Variants in NCKAP1 observed in about 807,000 individuals in gnomAD.
NCKAP1 encodes nck-associated protein 1.
Under a neutral mutation model 151.2 loss-of-function variants are expected in NCKAP1, and 21 were observed. The observed-to-expected ratio is 0.14, with a 90% CI of 0.10 to 0.20. The LOEUF is 0.20. Among genes scored for constraint, NCKAP1 ranks in the 10% least tolerant of loss-of-function variants. The pLI is 1.00. For missense variants in NCKAP1, 933 were observed against 1,352.1 expected (o/e 0.69, Z 4.86); for synonymous variants, 484 against 451.8 (o/e 1.07, Z -0.90).
Position 183,012,746 on chromosome 2 carries a change from T to C in NCKAP1, c.220-9421A>G, listed in dbSNP as rs537327202. Among the ~76,000 whole-genome samples the C allele has an allele frequency of 4.6e-5, 7 of 150,852 alleles. No homozygotes were observed. The South Asian group carries it at 1.5e-3, about 32-fold the overall frequency. On this transcript the variant is annotated intron_variant, in intron 2 of 30. Transcript: ENST00000361354. ...TTGTGCCTCAGCCTCCCCAAGTAGC[T>C]GGGAAAACATGCGCACGCCACCACA...
intron 16 of NCKAP1, among the ~76,000 whole-genome samples, chr2:182,966,750 ACT>A (rs1697580370): frequency 6.6e-6 from 1 of 152,136 alleles, no homozygotes; most frequent in Non-Finnish European, 1.5e-5. Context: ...TAACAAAAAG[ACT>A]CTAACAGAAA....
At chr2:182,956,289 C>T (rs1188149792) in intron 20 of NCKAP1, among the ~76,000 whole-genome samples, 173 bp downstream of exon 20, 1 of 152,226 alleles carries the variant, frequency 6.6e-6, no homozygotes, top group Non-Finnish European at 1.5e-5. Flanking sequence ...ATCTGCCCAC[C>T]TCGGCCTCCC....
intron 7 of NCKAP1, 46 bp downstream of exon 7, chr2:182,995,655 T>A (rs1698253855): frequency 1.1e-5 from 17 of 1,567,184 alleles, no homozygotes; most frequent in Non-Finnish European, 1.4e-5. Context: ...ATTATTTTTT[T>A]AAAAGTCACT....
At chr2:182,975,104 T>C (rs918253998) in intron 15 of NCKAP1, among the ~76,000 whole-genome samples, 10 of 152,192 alleles carry the variant, frequency 6.6e-5, no homozygotes, top group Non-Finnish European at 1.5e-4. Flanking sequence ...TTTATGACAA[T>C]GACTTTCAAA....
At chr2:182,988,150 C>T (rs1188819729) in intron 9 of NCKAP1, among the ~76,000 whole-genome samples, 3 of 152,068 alleles carry the variant, frequency 2.0e-5, no homozygotes, top group African/African-American at 7.2e-5. Context: ...GCTCAGGAAC[C>T]TGGATTTCAA....
rs955174126 is a variant in NCKAP1 at position 182,909,968 on chromosome 2, G to A, written c.*15734C>T. The A allele has an allele frequency of 1.6e-4, 25 of 152,234 alleles. No individual in the cohort carries two copies. Among genetic ancestry groups the A allele is most frequent in the Admixed American group, 9.2e-4 (14 of 15,276 alleles). The allele number at this position is 152,234 out of a possible 1,614,324, so 9.4% of individuals were successfully genotyped here. A position where few individuals can be genotyped will look rare whatever the true frequency, so the allele number is the denominator to read the frequency against. On this transcript the variant is annotated 3_prime_UTR_variant, in exon 31 of 31. Coordinates refer to ENST00000361354, the MANE Select transcript of NCKAP1 (RefSeq NM_013436.5). ...TATAACCAAGTCTGTTGGAATGGATGGGGTGGGAATTCAGTGAAGGCCAAA... is the reference window on the plus strand; with the variant it reads ...TATAACCAAGTCTGTTGGAATGGATAGGGTGGGAATTCAGTGAAGGCCAAA...
intron 24 of NCKAP1, among the ~76,000 whole-genome samples, chr2:182,940,903 T>C (rs1246225908): frequency 6.6e-6 from 1 of 152,252 alleles, no homozygotes; most frequent in East Asian, 1.9e-4. Context: ...ACCACAGATC[T>C]GTCCTATAAG....
intron 24 of NCKAP1, 29 bp downstream of exon 24, chr2:182,942,041 G>A (rs1165205478): frequency 6.5e-7 from 1 of 1,544,700 alleles, no homozygotes; most frequent in South Asian, 1.2e-5. Context: ...ATCTTCTTAT[G>A]TTTATAAAAA....
intron 2 of NCKAP1, among the ~76,000 whole-genome samples, chr2:183,010,539 C>T (rs1415686167): frequency 2.0e-5 from 3 of 152,194 alleles, no homozygotes; most frequent in Non-Finnish European, 4.4e-5. Flanking sequence ...ACCTGTTATG[C>T]AGCAATAGGT....
At chr2:182,961,030 A>T (rs1474829052) in intron 18 of NCKAP1, among the ~76,000 whole-genome samples, 2 of 152,234 alleles carry the variant, frequency 1.3e-5, no homozygotes, top group Non-Finnish European at 2.9e-5. Context: ...AACAACAATG[A>T]GATACCATCT....
chr2:182,925,424 A>G lies in NCKAP1; in HGVS notation c.*278T>C. On this transcript the variant is annotated 3_prime_UTR_variant, in exon 31 of 31. Transcript: ENST00000361354. ...ACAAGCAAAGATTTTTTTCATTATCAAATATCAAAAACATGTTGATAATGT... is the reference window on the plus strand; with the variant it reads ...ACAAGCAAAGATTTTTTTCATTATCGAATATCAAAAACATGTTGATAATGT... 1 of 184,466 alleles carries G rather than the reference A, an allele frequency of 5.4e-6. No individual in the cohort carries two copies. Among genetic ancestry groups the G allele is most frequent in the Non-Finnish European group, 1.1e-5 (1 of 88,636 alleles). 11.4% of individuals were successfully genotyped at this position (184,466 alleles called of 1,614,324 possible).
intron 2 of NCKAP1, among the ~76,000 whole-genome samples, chr2:183,010,196 T>C (rs1052199571): frequency 6.6e-6 from 1 of 152,216 alleles, no homozygotes; most frequent in Non-Finnish European, 1.5e-5. Context: ...CTTCCCATCT[T>C]GGCTGGCCTT....
At chr2:182,945,413 A>AG in intron 23 of NCKAP1, among the ~76,000 whole-genome samples, 1 of 151,250 alleles carries the variant, frequency 6.6e-6, no homozygotes, top group East Asian at 1.9e-4. Flanking sequence ...AGAAAGAAAG[A>AG]AAAAAAAACC....
At chr2:182,992,393 C>T (rs148699214) in intron 8 of NCKAP1, among the ~76,000 whole-genome samples, 1 of 152,318 alleles carries the variant, frequency 6.6e-6, no homozygotes, top group African/African-American at 2.4e-5. Flanking sequence ...AGCCTGCTTC[C>T]TGATCGACTT....
intron 2 of NCKAP1, among the ~76,000 whole-genome samples, chr2:183,008,034 C>A (rs1035578612): frequency 6.6e-6 from 1 of 152,220 alleles, no homozygotes; most frequent in Non-Finnish European, 1.5e-5. Context: ...TCAAGCAATT[C>A]TCCTGCCTCA....
chr2:182,936,980 T>A (rs1184615108), intron 24 of NCKAP1, among the ~76,000 whole-genome samples: 2 of 151,776 alleles, frequency 1.3e-5, no homozygotes, highest in East Asian at 3.9e-4. Flanking sequence ...CCAAGCCTGG[T>A]GGCACGTGCT....
chr2:182,931,202 T>C (rs1696756055), intron 26 of NCKAP1, among the ~76,000 whole-genome samples: 1 of 152,114 alleles, frequency 6.6e-6, no homozygotes, highest in Admixed American at 6.6e-5. Flanking sequence ...AATCATATCG[T>C]ATCTATAAAT....
intron 2 of NCKAP1, among the ~76,000 whole-genome samples, chr2:183,016,020 T>A (rs140103660): frequency 4.5e-4 from 69 of 152,226 alleles, no homozygotes; most frequent in African/African-American, 1.5e-3. Flanking sequence ...TTTTGTTGCA[T>A]AGGAGAGACA....
chr2:182,982,796 A>T (rs780619861), intron 12 of NCKAP1, 25 bp downstream of exon 12: 113 of 1,473,772 alleles, frequency 7.7e-5, no homozygotes, highest in Non-Finnish European at 9.6e-5. Flanking sequence ...TACAGAAAAT[A>T]TTTTTTTAAA....
Sources: gnomAD v4.1 joint callset for allele counts (sites outside exome capture counted in the v4.1 genomes callset) on GRCh38, gnomAD v4.1.1 for gene constraint, MANE v1.5 for transcripts, NCBI Gene and HGNC (gene_info 2026-07-23, HGNC 2026-07-21) for gene names.